PRKCH: variants seen among roughly 807,000 people sequenced by gnomAD.
The protein encoded by PRKCH is protein kinase C eta type.
PRKCH carries 28 observed loss-of-function variants against 82.5 expected under a neutral mutation model. The ratio of observed to expected loss-of-function variants is 0.34; its 90% CI spans 0.25 to 0.47. The LOEUF (loss-of-function observed/expected upper bound fraction) is 0.47. Among genes scored for constraint, PRKCH ranks in the 20% least tolerant of loss-of-function variants. The pLI, the probability that PRKCH is intolerant of heterozygous loss-of-function variation, is 1.00. For missense variants in PRKCH, 705 were observed against 881.8 expected, an observed-to-expected ratio of 0.80 and a Z score of 2.54; for synonymous variants, 322 against 327.4, an observed-to-expected ratio of 0.98 and a Z score of 0.18.
At chr14:61,189,500 T>TTC (rs1459991166) in intron 1 of PRKCH, among the ~76,000 whole-genome samples, 1 of 134,564 alleles carries the variant, frequency 7.4e-6, no homozygotes, top group Non-Finnish European at 1.6e-5. Flanking sequence ...CACTGAAATG[T>TTC]TATCTCTCTC....
Position 61,218,482 on chromosome 14 carries a change from A to C in PRKCH, c.-19+30814A>C, listed in dbSNP as rs999808848. Reference sequence around the variant, plus strand: ...TGAATATGCTTTGCTAAGTAAATGAACCAGATTTATGGGCACAAATGTATG... The same window carrying C: ...TGAATATGCTTTGCTAAGTAAATGACCCAGATTTATGGGCACAAATGTATG... On this transcript the variant is annotated intron_variant, in intron 1 of 3. Coordinates refer to the PRKCH transcript ENST00000555185. Among the ~76,000 whole-genome samples, 12 of 152,230 alleles carry C rather than the reference A, an allele frequency of 7.9e-5. No individual in the cohort carries two copies. In the East Asian group the frequency reaches 1.5e-3, roughly 20 times the overall value.
At chr14:61,423,587 A>G (rs1048219807) in intron 2 of PRKCH, among the ~76,000 whole-genome samples, 3 of 152,096 alleles carry the variant, frequency 2.0e-5, no homozygotes, top group African/African-American at 4.8e-5. Context: ...AAGTGGGAGG[A>G]GTGACATGAG....
chr14:61,364,037 A>T (rs1035066617), intron 1 of PRKCH, among the ~76,000 whole-genome samples: 5 of 143,818 alleles, frequency 3.5e-5, no homozygotes, highest in African/African-American at 5.1e-5. Flanking sequence ...TATATATATA[A>T]TATATATATA....
intron 12 of PRKCH, among the ~76,000 whole-genome samples, chr14:61,534,095 A>G (rs971018565): frequency 2.0e-5 from 3 of 152,206 alleles, no homozygotes; most frequent in East Asian, 1.9e-4. Context: ...ACTTAAATCA[A>G]TTGGGGCCTT....
intron 1 of PRKCH, among the ~76,000 whole-genome samples, chr14:61,310,160 A>G (rs558714619): frequency 6.6e-6 from 1 of 152,278 alleles, no homozygotes; most frequent in East Asian, 1.9e-4. Flanking sequence ...CCCAAATCTC[A>G]TATCTTTTCA....
intron 1 of PRKCH, among the ~76,000 whole-genome samples, chr14:61,259,580 CA>C (rs2045028448): frequency 6.6e-6 from 1 of 152,206 alleles, no homozygotes; most frequent in Non-Finnish European, 1.5e-5. Flanking sequence ...GACCTAGGAA[CA>C]AGCATTTTAA....
At chr14:61,322,502 A>G (rs756435527) in intron 1 of PRKCH, 38 bp downstream of exon 1, 14 of 1,560,404 alleles carry the variant, frequency 9.0e-6, no homozygotes, top group Admixed American at 1.8e-5. Flanking sequence ...TGTCCACCCA[A>G]CCCCCGTTCC....
intron 6 of PRKCH, among the ~76,000 whole-genome samples, chr14:61,451,928 A>G (rs1317845183): frequency 2.0e-5 from 3 of 152,206 alleles, no homozygotes; most frequent in South Asian, 4.1e-4. Flanking sequence ...TTTTTTTCTC[A>G]TAAAACCAAA....
intron 2 of PRKCH, among the ~76,000 whole-genome samples, chr14:61,415,361 C>T (rs1391926481): frequency 6.6e-6 from 1 of 152,172 alleles, no homozygotes; most frequent in East Asian, 1.9e-4. Flanking sequence ...TGCAGAGGGT[C>T]CCCCTACCCC....
chr14:61,242,274 C>T (rs556571882), intron 1 of PRKCH, among the ~76,000 whole-genome samples: 1 of 152,150 alleles, frequency 6.6e-6, no homozygotes, highest in Non-Finnish European at 1.5e-5. Flanking sequence ...CATACCTTAA[C>T]TCAAAACTCT....
intron 9 of PRKCH, among the ~76,000 whole-genome samples, chr14:61,464,902 C>T (rs984629377): frequency 2.6e-5 from 4 of 152,040 alleles, no homozygotes; most frequent in Non-Finnish European, 5.9e-5. Flanking sequence ...GGGTATATAC[C>T]CAGTAATGGG....
intron 1 of PRKCH, among the ~76,000 whole-genome samples, chr14:61,235,965 A>G (rs962253431): frequency 8.5e-5 from 13 of 152,236 alleles, no homozygotes; most frequent in Non-Finnish European, 1.3e-4. Context: ...TAAGTAGTTC[A>G]GGCCATGATG....
At chr14:61,387,568 A>G (rs989201004) in intron 1 of PRKCH, among the ~76,000 whole-genome samples, 8 of 152,232 alleles carry the variant, frequency 5.3e-5, no homozygotes, top group African/African-American at 1.9e-4. Context: ...GAAATAGGCC[A>G]GCTGTTAAGG....
intron 1 of PRKCH, among the ~76,000 whole-genome samples, chr14:61,389,562 A>G (rs1334348586): frequency 1.3e-5 from 2 of 151,898 alleles, no homozygotes; most frequent in Non-Finnish European, 2.9e-5. Context: ...CAAGCTGGTT[A>G]TGGTGGCACA....
At chr14:61,531,509 T>C (rs144181356) in intron 12 of PRKCH, among the ~76,000 whole-genome samples, 149 of 152,372 alleles carry the variant, frequency 9.8e-4, no homozygotes, top group African/African-American at 3.4e-3. Context: ...TGTTTCTCTT[T>C]AGAAACTTCT....
At chr14:61,315,809 G>A (rs1277239603) in intron 1 of PRKCH, among the ~76,000 whole-genome samples, 1 of 149,652 alleles carries the variant, frequency 6.7e-6, no homozygotes, top group Non-Finnish European at 1.5e-5. Context: ...GTGCAATGGC[G>A]TGATCTTGGC....
intron 1 of PRKCH, among the ~76,000 whole-genome samples, chr14:61,383,669 A>G (rs1239089573): frequency 7.9e-5 from 12 of 151,736 alleles, no homozygotes; most frequent in Non-Finnish European, 1.5e-5. Flanking sequence ...CGACCCTGGG[A>G]GTCATTCAAT....
rs1210579122 is a variant in PRKCH at position 61,547,690 on chromosome 14, C to T, written c.1762-53C>T. The T allele has an allele frequency of 6.3e-6, 10 of 1,576,848 alleles. No individual in the cohort carries two copies. In the South Asian group the frequency reaches 6.9e-5, roughly 11 times the overall value. On this transcript the variant is annotated intron_variant, in intron 12 of 13. Coordinates refer to ENST00000332981, the MANE Select transcript of PRKCH (RefSeq NM_006255.5). ...ATGGCTGATGCCTGCTGTCTTGTGA[C>T]GTGCTGGTTGTATGTGAATGAATGA...
chr14:61,301,060 C>T (rs899346666), intron 1 of PRKCH, among the ~76,000 whole-genome samples: 6 of 152,130 alleles, frequency 3.9e-5, no homozygotes, highest in South Asian at 2.1e-4. Context: ...CCCACTCAGG[C>T]GCCCCGCTCT....
Sources: allele counts gnomAD v4.1 joint callset (sites outside exome capture counted in the v4.1 genomes callset), GRCh38; gene constraint gnomAD v4.1.1; transcripts MANE v1.5; gene names NCBI Gene and HGNC (gene_info 2026-07-23, HGNC 2026-07-21).